The following ACOT7 variants were observed in gnomAD, a reference collection of about 807,000 sequenced individuals.
The protein encoded by ACOT7 is cytosolic acyl coenzyme A thioester hydrolase.
Under a neutral mutation model 40.2 loss-of-function variants are expected in ACOT7, and 12 were observed. The observed-to-expected ratio is 0.30, with a 90% CI of 0.19 to 0.48. ACOT7 has a LOEUF of 0.48. Ranked by LOEUF, ACOT7 falls within the 20% of genes least tolerant of loss-of-function variation. ACOT7 has a pLI of 0.99. For synonymous variants in ACOT7, 228 were observed against 219.5 expected (o/e 1.04, Z -0.34); for missense variants, 395 against 530.8 (o/e 0.74, Z 2.51).
chr1:6,282,338 C>T lies in ACOT7; in HGVS notation c.830-1052G>A, dbSNP rs61126433. Among the ~76,000 whole-genome samples, 1,498 of 152,222 alleles carry T rather than the reference C, an allele frequency of 9.8e-3. 24 individuals are homozygous for T. Among genetic ancestry groups the T allele is most frequent in the African/African-American group, 0.034 (1,432 of 41,540 alleles). ...GACCTGGGGCCCCGGGAAGGTGTCA[C>T]CATCGATGTCACTGGCCACCAGGCT... On this transcript the variant is annotated intron_variant, in intron 7 of 8. Coordinates refer to ENST00000361521, the MANE Select transcript of ACOT7 (RefSeq NM_007274.4). The surrounding 1 kb of genome is among the most constrained non-coding windows in gnomAD (Gnocchi z 4.5).
chr1:6,288,135 T>A lies in ACOT7; in HGVS notation c.829+6729A>T, dbSNP rs1229449139. Among the ~76,000 whole-genome samples, 1 of 151,754 alleles carries A rather than the reference T, an allele frequency of 6.6e-6. No homozygotes were observed. The highest frequency in any genetic ancestry group is 2.4e-5 in the African/African-American group (1 of 41,300). On this transcript the variant is annotated intron_variant, in intron 7 of 8. Coordinates refer to ENST00000361521, the MANE Select transcript of ACOT7 (RefSeq NM_007274.4). The surrounding 1 kb of genome is among the most constrained non-coding windows in gnomAD (Gnocchi z 4.3). ...CCCATTAGGGGCTCCACTGCTTGCCTGGGGGGCGGAGGCTCTCCCACTCTG... is the reference window on the plus strand; with the variant it reads ...CCCATTAGGGGCTCCACTGCTTGCCAGGGGGGCGGAGGCTCTCCCACTCTG...
chr1:6,348,475 A>AC (rs1309210719), intron 2 of ACOT7, among the ~76,000 whole-genome samples: 3 of 151,878 alleles, frequency 2.0e-5, no homozygotes, highest in Non-Finnish European at 4.4e-5. Flanking sequence ...TGAAATCCTA[A>AC]CCCCCAAGGG....
rs1230886638 is a variant in ACOT7, at chr1:6,338,359, G to A, written c.418+1074C>T. On this transcript the variant is annotated intron_variant, in intron 3 of 8. Transcript: ENST00000361521. This position sits in a 1 kb window ranked among gnomAD's most constrained non-coding sequence, Gnocchi z 4.4. ...CCCAGCCCTGAGCCTCTCCCGAGTC[G>A]TGGGCGCTGCTCCTGTTGTGGGAGG... 6.6e-6 allele frequency among the ~76,000 whole-genome samples: 1 copy of A among 152,208 alleles called. No individual in the cohort carries two copies. Among genetic ancestry groups the A allele is most frequent in the African/African-American group, 2.4e-5 (1 of 41,452 alleles).
At chr1:6,283,927 C>A (rs573927985) in intron 7 of ACOT7, among the ~76,000 whole-genome samples, 1 of 152,074 alleles carries the variant, frequency 6.6e-6, no homozygotes, top group Non-Finnish European at 1.5e-5. Context: ...CCCAGGAGGT[C>A]GAGGTTGCAG....
At chr1:6,378,837 CG>C (rs1191075276) in intron 1 of ACOT7, among the ~76,000 whole-genome samples, 20 of 151,870 alleles carry the variant, frequency 1.3e-4, no homozygotes, top group Admixed American at 1.2e-3. Context: ...GACAGGTGCA[CG>C]GCGTGGCCTG....
At chr1:6,266,486 G>A (rs866845814) in intron 8 of ACOT7, among the ~76,000 whole-genome samples, 4 of 152,262 alleles carry the variant, frequency 2.6e-5, no homozygotes, top group Non-Finnish European at 4.4e-5. Flanking sequence ...TTCTGATCCA[G>A]TGGGTCTGGG....
chr1:6,312,747 C>T (rs1224653213), intron 6 of ACOT7, among the ~76,000 whole-genome samples: 4 of 152,180 alleles, frequency 2.6e-5, no homozygotes, highest in South Asian at 4.1e-4. Flanking sequence ...GGACTACAGG[C>T]GTGAGCCACC....
At chr1:6,318,628 A>G (rs766803218) in intron 5 of ACOT7, 50 bp from the exon 6 acceptor site, 1 of 1,586,448 alleles carries the variant, frequency 6.3e-7, no homozygotes, top group Non-Finnish European at 8.6e-7. Context: ...TGATTCCCAC[A>G]GCTGAATGGT....
intron 3 of ACOT7, among the ~76,000 whole-genome samples, chr1:6,333,862 A>G (rs981527062): frequency 1.3e-5 from 2 of 151,962 alleles, no homozygotes; most frequent in Non-Finnish European, 2.9e-5. Flanking sequence ...ATGCCCCCCC[A>G]AAACTGGCTT....
intron 1 of ACOT7, among the ~76,000 whole-genome samples, chr1:6,373,500 C>T (rs978547853): frequency 6.6e-6 from 1 of 152,048 alleles, no homozygotes; most frequent in African/African-American, 2.4e-5. Context: ...ATCCGCCTGC[C>T]TCGGCCTCCC....
chr1:6,300,521 G>A (rs1277633109), intron 6 of ACOT7, among the ~76,000 whole-genome samples: 1 of 118,602 alleles, frequency 8.4e-6, no homozygotes, highest in Admixed American at 8.9e-5. Flanking sequence ...GCACAAGGCC[G>A]GCCCTCTCCA....
At position 6,393,402 on chromosome 1, in the gene ACOT7, A is replaced by C; in HGVS notation, c.-3T>G. On this transcript the variant is annotated 5_prime_UTR_variant, in exon 1 of 9. Coordinates refer to ENST00000361521, the MANE Select transcript of ACOT7 (RefSeq NM_007274.4). ...TGAATGAGCCCGGGCCGCGCCATAA[A>C]GGGGGAGGGCAGAGGTGGAGCGATG... 2.4e-6 allele frequency: 3 copies of C among 1,226,956 alleles called. No individual in the cohort carries two copies. Among genetic ancestry groups the C allele is most frequent in the Non-Finnish European group, 3.1e-6 (3 of 980,690 alleles). The allele number at this position is 1,226,956 out of a possible 1,614,324, so 76.0% of individuals were successfully genotyped here. A position where few individuals can be genotyped will look rare whatever the true frequency, so the allele number is the denominator to read the frequency against.
At position 6,266,580 on chromosome 1, in the gene ACOT7, CT is replaced by C. The variant is rs147883504; in HGVS notation, c.1015-1886del. On this transcript the variant is annotated intron_variant, in intron 8 of 8. Coordinates refer to ENST00000361521, the MANE Select transcript of ACOT7 (RefSeq NM_007274.4). ...CATCTGTGTAGCAGGGCCCTGCCCC[CT>C]TTCCATCTGCCGCTGCCCCAAATGG... Among the ~76,000 whole-genome samples, 1,112 of 152,400 alleles carry C rather than the reference CT, an allele frequency of 7.3e-3. 14 individuals are homozygous for C. The highest frequency in any genetic ancestry group is 0.028 in the South Asian group (133 of 4,834).
chr1:6,277,771 C>T (rs563373445), intron 8 of ACOT7, among the ~76,000 whole-genome samples: 1 of 152,364 alleles, frequency 6.6e-6, no homozygotes, highest in South Asian at 2.1e-4. Context: ...TCCCTGCTGT[C>T]TTCTTCGTGA....
chr1:6,361,588 G>A (rs753671457), intron 1 of ACOT7, among the ~76,000 whole-genome samples: 1 of 151,930 alleles, frequency 6.6e-6, no homozygotes, highest in Non-Finnish European at 1.5e-5. Flanking sequence ...CATCTGAGGT[G>A]AGGAGTTTTG....
At chr1:6,308,226 GACCAGGCAGAGGGAACTACA>G (rs199639666) in intron 6 of ACOT7, among the ~76,000 whole-genome samples, 3,548 of 117,466 alleles carry the variant, frequency 0.03, 85 homozygotes, top group East Asian at 0.12. Flanking sequence ...AGGGAACCAC[GACCAGGCAGAGGGAACTACA>G]ACCAGGCAGA....
At chr1:6,324,318 G>A (rs1424416790) in intron 5 of ACOT7, among the ~76,000 whole-genome samples, 2 of 152,184 alleles carry the variant, frequency 1.3e-5, no homozygotes, top group Admixed American at 6.5e-5. Flanking sequence ...ATCATCTGAG[G>A]AAGATACATT....
intron 3 of ACOT7, 78 bp from the exon 4 acceptor site, chr1:6,333,646 C>G: frequency 7.0e-7 from 1 of 1,424,748 alleles, no homozygotes; most frequent in African/African-American, 1.4e-5. Context: ...GTGGCAGGTG[C>G]TGCTCCAGCG....
In ACOT7 at chr1:6,282,113, C is replaced by T. The variant is rs151102874; in HGVS notation, c.830-827G>A. On this transcript the variant is annotated intron_variant, in intron 7 of 8. Coordinates refer to ENST00000361521, the MANE Select transcript of ACOT7 (RefSeq NM_007274.4). This position sits in a 1 kb window ranked among gnomAD's most constrained non-coding sequence, Gnocchi z 4.5. ...TGTACGCCCCACGCTCCCCAGGGCA[C>T]GACAGTCCATCCTGGCAGAAGCTTC... Among the ~76,000 whole-genome samples the T allele has an allele frequency of 5.9e-4, 90 of 152,214 alleles. No individual in the cohort carries two copies. The highest frequency in any genetic ancestry group is 1.6e-3 in the Admixed American group (25 of 15,288).
Sources: gnomAD v4.1 joint callset for allele counts (sites outside exome capture counted in the v4.1 genomes callset) on GRCh38, gnomAD v4.1.1 for gene constraint, Gnocchi (gnomAD v3.1) non-coding constraint, MANE v1.5 for transcripts, NCBI Gene and HGNC (gene_info 2026-07-23, HGNC 2026-07-21) for gene names.